UMAD1: variants seen among roughly 807,000 people sequenced by gnomAD.
UMAD1 encodes the protein UBAP1-MVB12-associated (UMA) domain containing 1.
UMAD1 carries 8 observed loss-of-function variants against 6.1 expected under a neutral mutation model. The observed-to-expected ratio is 1.30, with a 90% CI of 0.76 to 2.35. The LOEUF (loss-of-function observed/expected upper bound fraction) is 2.35. UMAD1 is among the 30% of genes most tolerant of loss of function. UMAD1 has a pLI of 0.00. For missense variants in UMAD1, 130 were observed against 78.4 expected (o/e 1.66, Z -2.49); for synonymous variants, 56 against 31.4 (o/e 1.78, Z -2.61).
Position 7,732,048 on chromosome 7 carries a change from A to G in UMAD1, c.82+58595A>G, listed in dbSNP as rs148876163. On this transcript the variant is annotated intron_variant, in intron 2 of 3. Transcript: ENST00000682710. ...ACCATTATTTTGTTTTATATAGTCA[A>G]TTTTAGATAGATATTCTTACATCTT... 1.0e-3 allele frequency among the ~76,000 whole-genome samples: 157 copies of G among 152,130 alleles called. 2 individuals carry two copies. The East Asian group carries it at 0.03, about 29-fold the overall frequency.
intron 2 of UMAD1, among the ~76,000 whole-genome samples, chr7:7,704,316 A>G (rs963609933): frequency 1.8e-4 from 28 of 152,292 alleles, no homozygotes; most frequent in Non-Finnish European, 3.1e-4. Context: ...TAATAAATAT[A>G]TTTAAAATTT....
intron 2 of UMAD1, among the ~76,000 whole-genome samples, chr7:7,704,825 C>T (rs1201858781): frequency 1.7e-5 from 2 of 119,918 alleles, no homozygotes; most frequent in Non-Finnish European, 3.5e-5. Context: ...GCCAGTTTAA[C>T]TTATAGATTG....
chr7:7,722,108 C>T (rs544710299), intron 2 of UMAD1, among the ~76,000 whole-genome samples: 1 of 151,286 alleles, frequency 6.6e-6, no homozygotes, highest in Admixed American at 6.6e-5. Flanking sequence ...TATTGTGGGT[C>T]TTGTGATCAT....
Position 7,701,382 on chromosome 7 carries a change from TACAG to T in UMAD1, c.82+27933_82+27936del, listed in dbSNP as rs371901277. Among the ~76,000 whole-genome samples the T allele has an allele frequency of 4.5e-3, 686 of 151,546 alleles. 7 individuals are homozygous for T. Among genetic ancestry groups the T allele is most frequent in the African/African-American group, 0.016 (660 of 40,826 alleles). ...TTTGCTAGAAGAAAACAAAGCACAC[TACAG>T]ACAATCTATGTGACATTTTATATAT... On this transcript the variant is annotated intron_variant, in intron 2 of 3. Coordinates refer to ENST00000682710, the MANE Select transcript of UMAD1 (RefSeq NM_001302348.2).
At chr7:7,664,534 A>G (rs1256854450) in intron 1 of UMAD1, among the ~76,000 whole-genome samples, 5 of 152,124 alleles carry the variant, frequency 3.3e-5, no homozygotes, top group Non-Finnish European at 5.9e-5. Flanking sequence ...TTGCTTATCT[A>G]CATGGTTCCT....
intron 2 of UMAD1, chr7:7,742,024 ATG>A (rs1361282525): frequency 6.9e-6 from 3 of 434,938 alleles, no homozygotes; most frequent in Non-Finnish European, 1.3e-5. Context: ...ATGAATACTG[ATG>A]TGAGACAGTT....
intron 2 of UMAD1, among the ~76,000 whole-genome samples, chr7:7,767,126 C>CTATTTTTTTTTTTTTTTTTTT (rs755296058): frequency 9.3e-6 from 1 of 107,682 alleles, no homozygotes; most frequent in Non-Finnish European, 2.0e-5. Flanking sequence ...AGAAATTAAG[C>CTATTTTTTTTTTTTTTTTTTT]TCTTTTTTTT....
chr7:7,796,220 C>T (rs565722746), intron 2 of UMAD1, among the ~76,000 whole-genome samples: 8 of 140,530 alleles, frequency 5.7e-5, no homozygotes, highest in Admixed American at 2.8e-4. Flanking sequence ...TCTGGCTGTA[C>T]TTTGACCCAT....
chr7:7,677,667 T>G (rs1430333275), intron 2 of UMAD1, among the ~76,000 whole-genome samples: 5 of 5,152 alleles, frequency 9.7e-4, no homozygotes, highest in Non-Finnish European at 2.9e-3. Context: ...TTTTTTTGTT[T>G]TTTTTTTTTT....
chr7:7,762,851 T>C (rs988816707), intron 2 of UMAD1, among the ~76,000 whole-genome samples: 9 of 151,224 alleles, frequency 6.0e-5, no homozygotes, highest in Non-Finnish European at 1.2e-4. Context: ...TGAAAGCACA[T>C]TACATATATG....
chr7:7,819,467 G>C (rs1783200066), intron 3 of UMAD1, among the ~76,000 whole-genome samples: 1 of 152,112 alleles, frequency 6.6e-6, no homozygotes, highest in South Asian at 2.1e-4. Context: ...GGTATGCTAT[G>C]CTATACACAC....
intron 2 of UMAD1, among the ~76,000 whole-genome samples, chr7:7,682,742 C>T (rs1420140752): frequency 2.6e-5 from 4 of 152,206 alleles, no homozygotes; most frequent in Non-Finnish European, 4.4e-5. Flanking sequence ...ACCCACGTAT[C>T]GGGATATCCA....
chr7:7,683,626 C>CA (rs1779965135), intron 2 of UMAD1, among the ~76,000 whole-genome samples: 1 of 150,018 alleles, frequency 6.7e-6, no homozygotes, highest in African/African-American at 2.4e-5. Context: ...TTTTCTTTTC[C>CA]TTTTCTTTTT....
At position 7,807,860 on chromosome 7, in the gene UMAD1, T is replaced by C. The variant is rs564635137; in HGVS notation, c.156+6117T>C. Among the ~76,000 whole-genome samples the C allele has an allele frequency of 2.1e-4, 32 of 152,114 alleles. No individual in the cohort carries two copies. In the South Asian group the frequency reaches 5.4e-3, roughly 26 times the overall value. ...ACCTCCCTGTTTAGGTAGTTTCAGG[T>C]TTCTCTCAATAATAAATTAATTAAT... On this transcript the variant is annotated intron_variant, in intron 3 of 3. Coordinates refer to ENST00000682710, the MANE Select transcript of UMAD1 (RefSeq NM_001302348.2).
intron 2 of UMAD1, among the ~76,000 whole-genome samples, chr7:7,719,597 A>G (rs1370072473): frequency 6.6e-6 from 1 of 152,194 alleles, no homozygotes; most frequent in Non-Finnish European, 1.5e-5. Context: ...AACCGACTGT[A>G]TATTTTTCAG....
chr7:7,835,515 T>A (rs1459030392), intron 3 of UMAD1, among the ~76,000 whole-genome samples: 1 of 127,206 alleles, frequency 7.9e-6, no homozygotes, highest in Non-Finnish European at 1.6e-5. Flanking sequence ...CTTAGCAATA[T>A]ATAGAAGTGA....
chr7:7,684,683 A>G (rs28915972), intron 2 of UMAD1, among the ~76,000 whole-genome samples: 4 of 152,350 alleles, frequency 2.6e-5, no homozygotes, highest in East Asian at 1.9e-4. Flanking sequence ...GTGAATTCCA[A>G]CTGATCTATG....
intron 3 of UMAD1, among the ~76,000 whole-genome samples, chr7:7,864,004 T>A (rs766811508): frequency 3.9e-5 from 6 of 152,244 alleles, no homozygotes; most frequent in Non-Finnish European, 7.3e-5. Context: ...TGTCTCTGGT[T>A]CCTGACACTG....
chr7:7,860,037 T>C (rs2115331401), intron 3 of UMAD1, among the ~76,000 whole-genome samples: 1 of 152,328 alleles, frequency 6.6e-6, no homozygotes, highest in Admixed American at 6.5e-5. Context: ...TTATTTACTC[T>C]ATTTTATTGG....
Sources: gnomAD v4.1 joint callset for allele counts (sites outside exome capture counted in the v4.1 genomes callset) on GRCh38, gnomAD v4.1.1 for gene constraint, MANE v1.5 for transcripts, NCBI Gene and HGNC (gene_info 2026-07-23, HGNC 2026-07-21) for gene names.